DMD: variants seen among roughly 807,000 people sequenced by gnomAD.
DMD encodes dystrophin.
In DMD, 63 loss-of-function variants were observed where a neutral mutation model predicts 330.1. That is an observed-to-expected ratio of 0.19 (90% CI 0.16 to 0.24). The LOEUF (loss-of-function observed/expected upper bound fraction) is 0.24, where lower values mean the gene tolerates loss of function less well. Ranked by LOEUF, DMD falls within the 10% of genes least tolerant of loss-of-function variation. The pLI is 1.00. For synonymous variants in DMD, 1,223 were observed against 959.8 expected (o/e 1.27, Z -5.07); for missense variants, 3,344 against 2,684.1 (o/e 1.25, Z -5.43).
chrX:32,968,436 T>A (rs2092250097), intron 2 of DMD, among the ~76,000 whole-genome samples: 1 of 111,730 alleles, frequency 9.0e-6, no homozygotes, highest in African/African-American at 3.3e-5. Context: ...TGACAGGTCA[T>A]CCCTAGCAGC....
At chrX:31,793,650 A>G (rs956435364) in intron 50 of DMD, among the ~76,000 whole-genome samples, 32 of 112,239 alleles carry the variant, frequency 2.9e-4, no homozygotes, top group African/African-American at 1.0e-3. Flanking sequence ...GGTGTTGAAC[A>G]TCTCATGTAA....
intron 1 of DMD, among the ~76,000 whole-genome samples, chrX:33,313,473 A>G (rs1004641164): frequency 3.6e-5 from 4 of 111,706 alleles, no homozygotes; most frequent in African/African-American, 1.3e-4. Context: ...ACTATGGTTA[A>G]GAAGTATTGT....
intron 34 of DMD, among the ~76,000 whole-genome samples, chrX:32,376,089 G>T (rs1205461554): frequency 9.0e-6 from 1 of 110,923 alleles, no homozygotes; most frequent in Non-Finnish European, 1.9e-5. Flanking sequence ...AGACCAGCCT[G>T]ACCATCATGG....
At chrX:31,589,511 G>C (rs1296588968) in intron 55 of DMD, among the ~76,000 whole-genome samples, 1 of 111,455 alleles carries the variant, frequency 9.0e-6, no homozygotes, top group Non-Finnish European at 1.9e-5. Flanking sequence ...TGAGCTGTTG[G>C]CATTCTTAGT....
chrX:32,771,092 A>G (rs966229188), intron 7 of DMD, among the ~76,000 whole-genome samples: 2 of 111,938 alleles, frequency 1.8e-5, no homozygotes, highest in African/African-American at 6.5e-5. Context: ...CCTGGATCTG[A>G]CTAGAAGTGA....
chrX:32,360,468 T>C (rs1019961275), intron 37 of DMD, among the ~76,000 whole-genome samples: 3 of 111,566 alleles, frequency 2.7e-5, no homozygotes, highest in Admixed American at 9.6e-5. Flanking sequence ...AGCAAACATG[T>C]GATTATTTTG....
At chrX:32,567,962 G>T (rs1435745147) in intron 15 of DMD, among the ~76,000 whole-genome samples, 3 of 111,462 alleles carry the variant, frequency 2.7e-5, no homozygotes, top group Non-Finnish European at 5.6e-5. Context: ...TACTTACTCA[G>T]AATGTTAGAA....
chrX:33,301,915 G>A (rs1411276887), intron 1 of DMD, among the ~76,000 whole-genome samples: 1 of 111,483 alleles, frequency 9.0e-6, no homozygotes, highest in Non-Finnish European at 1.9e-5. Flanking sequence ...ATAGCAGTTT[G>A]TAAGATAAAA....
intron 44 of DMD, among the ~76,000 whole-genome samples, chrX:32,049,012 T>A: frequency 9.0e-6 from 1 of 111,067 alleles, no homozygotes; most frequent in Non-Finnish European, 1.9e-5. Flanking sequence ...TGCGGGATAC[T>A]TGAGAACGAG....
rs2090515895 is a variant in DMD, at chrX:31,774,174, G to A, written c.7328C>T (p.Thr2443Ile). 2.5e-6 allele frequency: 3 copies of A among 1,206,986 alleles called. No homozygotes were observed. Among genetic ancestry groups the A allele is most frequent in the Non-Finnish European group, 2.2e-6 (2 of 891,748 alleles). The change falls in exon 51 of 79, where the codon ACT becomes ATT. Residue 2443 changes from threonine to isoleucine, a missense_variant. Transcript: ENST00000357033. ...TIGASPTQTV[T>I]LVTQPVVTKE... ...AGTAACCACAGGTTGTGTCACCAGA[G>A]TAACAGTCTGAGTAGGAGCTAAAAT...
chrX:32,851,055 T>C (rs1371270848), intron 2 of DMD, among the ~76,000 whole-genome samples: 1 of 112,118 alleles, frequency 8.9e-6, no homozygotes, highest in Non-Finnish European at 1.9e-5. Flanking sequence ...GTGATGGGTC[T>C]AACATTAGCC....
At chrX:31,172,267 A>G in intron 73 of DMD, 81 bp downstream of exon 73, 1 of 678,920 alleles carries the variant, frequency 1.5e-6, no homozygotes, top group Non-Finnish European at 2.4e-6. Context: ...TAATTCCTAT[A>G]TCCTGTGCTA....
At chrX:33,248,125 T>C (rs1191360017) in intron 1 of DMD, among the ~76,000 whole-genome samples, 3 of 111,290 alleles carry the variant, frequency 2.7e-5, no homozygotes, top group Non-Finnish European at 1.9e-5. Context: ...CACTGTAAGC[T>C]CCGCCTCCCG....
At chrX:33,163,982 C>T (rs1280541328) in intron 1 of DMD, among the ~76,000 whole-genome samples, 1 of 111,082 alleles carries the variant, frequency 9.0e-6, no homozygotes, top group Non-Finnish European at 1.9e-5. Context: ...GCTCCCCCCA[C>T]CCTACTGCAT....
intron 45 of DMD, among the ~76,000 whole-genome samples, chrX:31,952,788 A>T (rs2095200731): frequency 8.9e-6 from 1 of 111,920 alleles, no homozygotes. Context: ...TGAAAATTTG[A>T]CATTTTAAAT....
chrX:33,073,026 T>G (rs1260525904), intron 1 of DMD, among the ~76,000 whole-genome samples: 1 of 112,287 alleles, frequency 8.9e-6, no homozygotes, highest in African/African-American at 3.2e-5. Context: ...AAATTTCTTT[T>G]TAATGTTATT....
chrX:32,329,260 T>C (rs1422341487), intron 41 of DMD, among the ~76,000 whole-genome samples: 1 of 111,986 alleles, frequency 8.9e-6, no homozygotes, highest in Non-Finnish European at 1.9e-5. Flanking sequence ...AGCATGATGG[T>C]AAGGATAGAA....
At chrX:32,646,114 G>C (rs953547884) in intron 9 of DMD, among the ~76,000 whole-genome samples, 3 of 111,747 alleles carry the variant, frequency 2.7e-5, no homozygotes, top group Non-Finnish European at 3.8e-5. Context: ...CCAAGTAATA[G>C]AGACGGGGTA....
At chrX:32,087,254 A>G (rs1390779188) in intron 44 of DMD, among the ~76,000 whole-genome samples, 1 of 112,011 alleles carries the variant, frequency 8.9e-6, no homozygotes, top group Non-Finnish European at 1.9e-5. Context: ...TCCCAGAAGA[A>G]TTAACAAATT....
Sources: gnomAD v4.1 joint callset for allele counts (sites outside exome capture counted in the v4.1 genomes callset) on GRCh38, gnomAD v4.1.1 for gene constraint, MANE v1.5 for transcripts, NCBI Gene and HGNC (gene_info 2026-07-23, HGNC 2026-07-21) for gene names.